MTRFR: variants seen among roughly 807,000 people sequenced by gnomAD.
The protein encoded by MTRFR is mitochondrial translation release factor in rescue, also known as probable peptide chain release factor C12orf65, mitochondrial.
Under a neutral mutation model 11.9 loss-of-function variants are expected in MTRFR, and 10 were observed. That is an observed-to-expected ratio of 0.84 (90% CI 0.52 to 1.42). The LOEUF (loss-of-function observed/expected upper bound fraction) is 1.42. Ranked by LOEUF, MTRFR falls within the 40% of genes most tolerant of loss-of-function variation. The pLI is 0.00. For missense variants in MTRFR, 196 were observed against 197.9 expected, an observed-to-expected ratio of 0.99 and a Z score of 0.06; for synonymous variants, 77 against 79.1, an observed-to-expected ratio of 0.97 and a Z score of 0.14.
At chr12:123,245,094 G>C (rs539202823) in intron 1 of MTRFR, among the ~76,000 whole-genome samples, 1 of 151,452 alleles carries the variant, frequency 6.6e-6, no homozygotes, top group Non-Finnish European at 1.5e-5. Flanking sequence ...GATTACATGC[G>C]CCCACCACTG....
At chr12:123,244,106 T>C (rs1359455353) in intron 1 of MTRFR, 1 of 151,814 alleles carries the variant, frequency 6.6e-6, no homozygotes, top group Non-Finnish European at 1.5e-5. Flanking sequence ...AAAGAAGCTA[T>C]TTAGAGCCTC....
rs71085872 is a variant in MTRFR at position 123,253,070 on chromosome 12, A to ATT, written c.-28-541_-28-540dup. On this transcript the variant is annotated intron_variant, in intron 1 of 2. Transcript: ENST00000253233. ...ATCAAATTACAGTCCGTTCCTTTGA[A>ATT]TTTTTTTTTTTTTTTTTTTTTTTTT... 9.8e-3 allele frequency among the ~76,000 whole-genome samples: 340 copies of ATT among 34,824 alleles called. 121 individuals carry two copies. The highest frequency in any genetic ancestry group is 0.063 in the East Asian group (41 of 650). 22.8% of individuals were successfully genotyped at this position (34,824 alleles called of 152,430 possible). A position where few individuals can be genotyped will look rare whatever the true frequency, so the allele number is the denominator to read the frequency against.
intron 1 of MTRFR, among the ~76,000 whole-genome samples, chr12:123,239,613 A>G (rs1415681310): frequency 6.6e-6 from 1 of 152,130 alleles, no homozygotes; most frequent in African/African-American, 2.4e-5. Flanking sequence ...CGTGTTAGCC[A>G]GGATGGTCTC....
chr12:123,235,418 G>A (rs1044722151), intron 1 of MTRFR, among the ~76,000 whole-genome samples: 2 of 152,076 alleles, frequency 1.3e-5, no homozygotes, highest in Non-Finnish European at 2.9e-5. Flanking sequence ...TTGTGTGTGT[G>A]TGTGTGACAG....
At chr12:123,254,002 T>TC (rs1419272181) in intron 2 of MTRFR, 46 bp downstream of exon 2, 1 of 1,605,642 alleles carries the variant, frequency 6.2e-7, no homozygotes, top group African/African-American at 1.3e-5. Context: ...GCCCAAGGGT[T>TC]CCACAGCCTC....
chr12:123,241,548 C>T (rs1236605908), intron 1 of MTRFR, among the ~76,000 whole-genome samples: 2 of 152,134 alleles, frequency 1.3e-5, no homozygotes, highest in Non-Finnish European at 2.9e-5. Flanking sequence ...CCATGTTGGC[C>T]AGGATGGTCT....
intron 1 of MTRFR, chr12:123,250,355 C>T (rs2048098125): frequency 6.6e-6 from 1 of 152,150 alleles, no homozygotes; most frequent in Non-Finnish European, 1.5e-5. Context: ...AACTAACCTC[C>T]TGAATTCTTT....
chr12:123,245,639 G>T (rs7295437), intron 1 of MTRFR, among the ~76,000 whole-genome samples: 87 of 151,950 alleles, frequency 5.7e-4, no homozygotes, highest in African/African-American at 1.5e-3. Flanking sequence ...TTTGTTTTTT[G>T]TTGTTGTTGT....
rs375177149 is a variant in MTRFR at position 123,256,800 on chromosome 12, T to C, written c.283-13T>C. ...CCTGTGGTTTTCACATTATAAAATA[T>C]TATCTCTTACAGTGCCATCAGACAA... On this transcript the variant is annotated splice_polypyrimidine_tract_variant and intron_variant, in intron 2 of 2. Transcript: ENST00000253233. 22 of 1,597,738 alleles carry C rather than the reference T, an allele frequency of 1.4e-5. No individual in the cohort carries two copies. The highest frequency in any genetic ancestry group is 1.1e-4 in the African/African-American group (8 of 74,574).
intron 1 of MTRFR, among the ~76,000 whole-genome samples, chr12:123,244,960 T>TTTTTTTTTG (rs71085871): frequency 4.2e-5 from 5 of 118,424 alleles, no homozygotes; most frequent in East Asian, 2.4e-4. Context: ...TTTTTTTTTT[T>TTTTTTTTTG]AGACAGAGTC....
At position 123,253,836 on chromosome 12, in the gene MTRFR, C is replaced by A. The variant is rs1555237925; in HGVS notation, c.162C>A (p.Ser54=). Reference sequence around the variant, plus strand: ...AGAAGGACTACCCTGCACTGCTTTCCTTGGATGAGAATGAACTCGAAGAGC... The same window carrying A: ...AGAAGGACTACCCTGCACTGCTTTCATTGGATGAGAATGAACTCGAAGAGC... ...AGKKDYPALL[S]LDENELEEQF... The change falls in exon 2 of 3, where the codon TCC becomes TCA. Residue 54 remains serine (S), a synonymous_variant. Coordinates refer to ENST00000253233, the MANE Select transcript of MTRFR (RefSeq NM_152269.5). The A allele has an allele frequency of 6.2e-7, 1 of 1,614,074 alleles. No homozygotes were observed. Among genetic ancestry groups the A allele is most frequent in the African/African-American group, 1.3e-5 (1 of 74,938 alleles).
At chr12:123,233,109 T>A (rs565421445), upstream of MTRFR, 1 of 151,512 alleles carries the variant, frequency 6.6e-6, no homozygotes, top group Admixed American at 6.6e-5. Context: ...GTCAGGGTCA[T>A]GCAAGCGGCC....
chr12:123,233,285 A>C (rs1283000882), upstream of MTRFR: 1 of 152,252 alleles, frequency 6.6e-6, no homozygotes, highest in Non-Finnish European at 1.5e-5. Context: ...GGGGAGTGAC[A>C]AGGGGGCGGG....
chr12:123,236,240 TAATC>T (rs1349710968), intron 1 of MTRFR, among the ~76,000 whole-genome samples: 1 of 152,208 alleles, frequency 6.6e-6, no homozygotes, highest in African/African-American at 2.4e-5. Context: ...CTTACTGAGA[TAATC>T]AGGAAGTGTG....
intron 1 of MTRFR, chr12:123,249,053 A>G (rs1049193339): frequency 6.6e-6 from 1 of 151,984 alleles, no homozygotes; most frequent in Admixed American, 6.6e-5. Context: ...GCTAGACACA[A>G]AAGTTCTCCA....
intron 1 of MTRFR, chr12:123,252,492 G>A (rs537116914): frequency 1.3e-5 from 2 of 151,866 alleles, no homozygotes; most frequent in South Asian, 2.1e-4. Context: ...GTTGGACCAC[G>A]TTGTTGGCAG....
In MTRFR at chr12:123,253,652, C is replaced by CA. The variant is rs765873481; in HGVS notation, c.-22dup. The CA allele has an allele frequency of 1.2e-6, 2 of 1,614,006 alleles. No individual in the cohort carries two copies. Among genetic ancestry groups the CA allele is most frequent in the Non-Finnish European group, 1.7e-6 (2 of 1,180,028 alleles). ...TCCTTATTCATCTAACCCAGGTCCT[C>CA]AGCCAGCAGAGCCACGTTCCTTATG... On this transcript the variant is annotated 5_prime_UTR_variant, in exon 2 of 3. Coordinates refer to ENST00000253233, the MANE Select transcript of MTRFR (RefSeq NM_152269.5).
At chr12:123,242,076 T>C (rs2047948707) in intron 1 of MTRFR, among the ~76,000 whole-genome samples, 1 of 152,242 alleles carries the variant, frequency 6.6e-6, no homozygotes, top group African/African-American at 2.4e-5. Context: ...CCATGCCTGA[T>C]ACTCAATAGA....
intron 1 of MTRFR, chr12:123,240,622 A>C (rs1051539972): frequency 2.0e-5 from 3 of 152,032 alleles, no homozygotes; most frequent in East Asian, 1.9e-4. Flanking sequence ...TCAAAAAAAA[A>C]AAACAAACAG....
Sources: allele counts gnomAD v4.1 joint callset (sites outside exome capture counted in the v4.1 genomes callset), GRCh38; gene constraint gnomAD v4.1.1; transcripts MANE v1.5; gene names NCBI Gene and HGNC (gene_info 2026-07-23, HGNC 2026-07-21).